Variants in MBD5 observed in about 807,000 individuals in gnomAD.
MBD5 encodes the protein methyl-CpG binding domain protein 5.
In MBD5, 13 loss-of-function variants were observed where a neutral mutation model predicts 117.3. That is an observed-to-expected ratio of 0.11 (90% confidence interval 0.07 to 0.18). The LOEUF (loss-of-function observed/expected upper bound fraction) is 0.18, where lower values mean the gene tolerates loss of function less well. Ranked by LOEUF, MBD5 falls within the 10% of genes least tolerant of loss-of-function variation. The pLI is 1.00. For missense variants in MBD5, 1,879 were observed against 2,093.8 expected, an observed-to-expected ratio of 0.90 and a Z score of 2.00; for synonymous variants, 727 against 766.4, an observed-to-expected ratio of 0.95 and a Z score of 0.85.
chr2:148,434,822 CT>C (rs370470345), intron 4 of MBD5, among the ~76,000 whole-genome samples: 42 of 151,966 alleles, frequency 2.8e-4, no homozygotes, highest in African/African-American at 8.0e-4. Flanking sequence ...AGTTTTTTGC[CT>C]TGATGATCTG....
At chr2:148,261,937 C>T (rs907382921) in intron 3 of MBD5, among the ~76,000 whole-genome samples, 7 of 152,114 alleles carry the variant, frequency 4.6e-5, no homozygotes, top group Non-Finnish European at 1.0e-4. Flanking sequence ...GGGGGAACAG[C>T]CGGATTCTGT....
Position 148,468,607 on chromosome 2 carries a change from C to G in MBD5, c.664C>G (p.Pro222Ala). ...ATTCCGTGGCAGCCATGGAGGCCTG[C>G]CCAGCCCAGCGTCATCAGGTTCCCA... is the stretch of plus-strand genomic sequence containing the variant. The part of the protein sequence containing the change: ...SPFRGSHGGL[P>A]SPASSGSQIY... The change falls in exon 8 of 14, where the codon CCC (proline) becomes GCC (alanine). Residue 222 changes from proline (P) to alanine (A), a missense_variant. This residue lies in a region of MBD5 where 1,666 missense variants were observed against 1,792.2 expected (regional missense o/e 0.93). Coordinates refer to ENST00000642680, the MANE Select transcript of MBD5 (RefSeq NM_001378120.1). 1 of 1,613,894 alleles carries G rather than the reference C, an allele frequency of 6.2e-7. No individual in the cohort carries two copies. The highest frequency in any genetic ancestry group is 8.5e-7 in the Non-Finnish European group (1 of 1,179,888).
At chr2:148,278,638 G>T (rs1231687065) in intron 3 of MBD5, among the ~76,000 whole-genome samples, 4 of 151,912 alleles carry the variant, frequency 2.6e-5, no homozygotes, top group Non-Finnish European at 1.5e-5. Flanking sequence ...ATTTGTTTTA[G>T]TCAGGGTTCT....
chr2:148,310,361 A>C (rs1358076883), intron 3 of MBD5, among the ~76,000 whole-genome samples: 1 of 151,962 alleles, frequency 6.6e-6, no homozygotes, highest in African/African-American at 2.4e-5. Flanking sequence ...CTTCTTCCTA[A>C]TTTAGTCTTG....
chr2:148,314,657 C>T (rs12474154), intron 3 of MBD5, among the ~76,000 whole-genome samples: 30,780 of 151,890 alleles, frequency 0.2, 3,244 homozygotes, highest in African/African-American at 0.21. Context: ...GGATTACAGA[C>T]GAGATCCAGC....
At chr2:148,159,014 G>A (rs1030470581) in intron 1 of MBD5, among the ~76,000 whole-genome samples, 4 of 152,046 alleles carry the variant, frequency 2.6e-5, no homozygotes, top group African/African-American at 4.8e-5. Context: ...GAACCACCGT[G>A]CCCGGCCCCA....
chr2:148,117,533 C>G (rs1460670724), intron 1 of MBD5, among the ~76,000 whole-genome samples: 1 of 152,042 alleles, frequency 6.6e-6, no homozygotes, highest in Non-Finnish European at 1.5e-5. Context: ...TTTGTAGATG[C>G]CAGTCCAGGA....
intron 2 of MBD5, among the ~76,000 whole-genome samples, chr2:148,222,185 G>A (rs60913031): frequency 0.011 from 1,667 of 152,144 alleles, 20 homozygotes; most frequent in African/African-American, 0.037. Flanking sequence ...TTTGAAGTCA[G>A]GTAATGTGAT....
chr2:148,158,083 CATTA>C (rs1299899161), intron 1 of MBD5, among the ~76,000 whole-genome samples: 1 of 151,582 alleles, frequency 6.6e-6, no homozygotes, highest in East Asian at 1.9e-4. Flanking sequence ...AATATGCTAG[CATTA>C]ATTAGAATGT....
intron 1 of MBD5, among the ~76,000 whole-genome samples, chr2:148,080,238 T>G (rs1194468142): frequency 6.6e-6 from 1 of 152,204 alleles, no homozygotes; most frequent in Non-Finnish European, 1.5e-5. Flanking sequence ...TTTGGTACAA[T>G]GGAAGCATTT....
chr2:148,257,351 G>T (rs1700615150), intron 3 of MBD5, among the ~76,000 whole-genome samples: 1 of 152,214 alleles, frequency 6.6e-6, no homozygotes, highest in Non-Finnish European at 1.5e-5. Context: ...CAATGGAACG[G>T]TTTTATCATT....
In MBD5 at chr2:148,427,884, TATC is replaced by T. The variant is rs562209453; in HGVS notation, c.-556-30316_-556-30314del. The stretch of plus-strand genomic sequence containing the variant: ...CTATGTATGACAAACTCACAGCCAA[TATC>T]ATACTGAATGTGCAAAAACTGGAAG... On this transcript the variant is annotated intron_variant, in intron 4 of 13. Coordinates refer to ENST00000642680, the MANE Select transcript of MBD5 (RefSeq NM_001378120.1). Among the ~76,000 whole-genome samples, 52 of 151,412 alleles carry T rather than the reference TATC, an allele frequency of 3.4e-4. No homozygotes were observed. The South Asian group carries it at 4.4e-3, about 13-fold the overall frequency.
chr2:148,026,377 G>T, intron 1 of MBD5: 1 of 151,430 alleles, frequency 6.6e-6, no homozygotes, highest in South Asian at 2.1e-4. Context: ...GAAAAACAAA[G>T]AAAAAAAACC....
chr2:148,285,312 G>A (rs754093820), intron 3 of MBD5, among the ~76,000 whole-genome samples: 3 of 152,136 alleles, frequency 2.0e-5, no homozygotes, highest in Non-Finnish European at 4.4e-5. Context: ...TTGTTCACAA[G>A]TTCCAGTGCA....
chr2:148,301,683 A>G (rs1231897553), intron 3 of MBD5, among the ~76,000 whole-genome samples: 1 of 152,148 alleles, frequency 6.6e-6, no homozygotes, highest in Non-Finnish European at 1.5e-5. Flanking sequence ...TGTCCTCATG[A>G]GCAGTGGCCT....
At chr2:148,326,399 T>C (rs1210855862) in intron 3 of MBD5, among the ~76,000 whole-genome samples, 2 of 152,184 alleles carry the variant, frequency 1.3e-5, no homozygotes, top group African/African-American at 4.8e-5. Context: ...CTTGTTGACT[T>C]TCTGTCTCGT....
At chr2:148,270,100 AGT>A (rs1178575340) in intron 3 of MBD5, among the ~76,000 whole-genome samples, 1 of 151,710 alleles carries the variant, frequency 6.6e-6, no homozygotes, top group Non-Finnish European at 1.5e-5. Context: ...CCCTTTTCTC[AGT>A]GTCTTTCTTT....
intron 3 of MBD5, among the ~76,000 whole-genome samples, chr2:148,322,450 G>C (rs531073580): frequency 6.6e-6 from 1 of 152,032 alleles, no homozygotes. Context: ...GTTAAATTTC[G>C]TTAGTTTCTA....
intron 4 of MBD5, among the ~76,000 whole-genome samples, chr2:148,373,790 A>T (rs1703918910): frequency 1.3e-5 from 2 of 152,136 alleles, no homozygotes; most frequent in Non-Finnish European, 2.9e-5. Flanking sequence ...ATGTTTGTTG[A>T]TTAGAATTAT....
Sources: allele counts gnomAD v4.1 joint callset (sites outside exome capture counted in the v4.1 genomes callset), GRCh38; gene constraint gnomAD v4.1.1; regional missense constraint gnomAD v4.1.1; transcripts MANE v1.5; gene names NCBI Gene and HGNC (gene_info 2026-07-23, HGNC 2026-07-21).